The following ITFG1 variants were observed in gnomAD, a reference collection of about 807,000 sequenced individuals.
ITFG1 encodes the protein T-cell immunomodulatory protein.
A neutral mutation model predicts 81.8 loss-of-function variants in ITFG1; 34 were observed. That is an observed-to-expected ratio of 0.42 (90% CI 0.32 to 0.55). The LOEUF is 0.55. ITFG1 is among the 20% of genes least tolerant of loss of function. The pLI, the probability that ITFG1 is intolerant of heterozygous loss-of-function variation, is 0.17. For synonymous variants in ITFG1, 285 were observed against 270.6 expected, an observed-to-expected ratio of 1.05 and a Z score of -0.52; for missense variants, 672 against 755.4, an observed-to-expected ratio of 0.89 and a Z score of 1.29.
intron 1 of ITFG1, among the ~76,000 whole-genome samples, chr16:47,459,814 C>A (rs1243110556): frequency 6.6e-6 from 1 of 152,186 alleles, no homozygotes; most frequent in Non-Finnish European, 1.5e-5. Context: ...GACACAGCAG[C>A]AACAGGTTTG....
At chr16:47,458,824 C>T (rs1049872329) in intron 2 of ITFG1, among the ~76,000 whole-genome samples, 2 of 151,952 alleles carry the variant, frequency 1.3e-5, no homozygotes, top group African/African-American at 4.8e-5. Flanking sequence ...GAACGAGACA[C>T]ATTCAAGAAG....
intron 14 of ITFG1, among the ~76,000 whole-genome samples, chr16:47,173,975 G>A (rs1195980963): frequency 6.6e-6 from 1 of 152,184 alleles, no homozygotes; most frequent in East Asian, 1.9e-4. Flanking sequence ...GGGAGGTGGA[G>A]GTTGTAGTGA....
At chr16:47,307,538 G>T (rs1967189363) in intron 10 of ITFG1, among the ~76,000 whole-genome samples, 1 of 152,154 alleles carries the variant, frequency 6.6e-6, no homozygotes, top group Non-Finnish European at 1.5e-5. Context: ...GTTGGAGTTG[G>T]TTGAGTGAAG....
At chr16:47,158,813 C>T (rs2151505029) in intron 17 of ITFG1, 60 bp downstream of exon 17, 2 of 783,102 alleles carry the variant, frequency 2.6e-6, no homozygotes, top group Non-Finnish European at 4.3e-6. Context: ...TTTTAAAGAG[C>T]AATGTATGTA....
intron 8 of ITFG1, among the ~76,000 whole-genome samples, chr16:47,343,550 G>A (rs999425612): frequency 6.6e-6 from 1 of 151,880 alleles, no homozygotes; most frequent in South Asian, 2.1e-4. Flanking sequence ...TAAAGAACTT[G>A]AATTAACAAT....
rs554729191 is a variant in ITFG1, at chr16:47,181,018, G to A, written c.1454-18354C>T. Among the ~76,000 whole-genome samples the A allele has an allele frequency of 1.3e-3, 198 of 150,116 alleles. 1 individual carries two copies. The highest frequency in any genetic ancestry group is 4.6e-3 in the African/African-American group (188 of 40,676). Reference sequence around the variant, plus strand: ...CTGCCCAGTCTGGAAAGTGAGGAGCGTCTCTGCCCGGCCGCCATACCATCT... The same window carrying A: ...CTGCCCAGTCTGGAAAGTGAGGAGCATCTCTGCCCGGCCGCCATACCATCT... On this transcript the variant is annotated intron_variant, in intron 14 of 17. Coordinates refer to ENST00000320640, the MANE Select transcript of ITFG1 (RefSeq NM_030790.5).
At chr16:47,278,401 T>C (rs1351248831) in intron 10 of ITFG1, among the ~76,000 whole-genome samples, 1 of 152,182 alleles carries the variant, frequency 6.6e-6, no homozygotes, top group Non-Finnish European at 1.5e-5. Flanking sequence ...TTCCAGGCAC[T>C]GGGACTAGGG....
chr16:47,355,198 T>C (rs529325723), intron 8 of ITFG1, among the ~76,000 whole-genome samples: 1 of 152,140 alleles, frequency 6.6e-6, no homozygotes, highest in African/African-American at 2.4e-5. Flanking sequence ...TACAATGATA[T>C]ATTGTTCAGA....
At chr16:47,442,432 C>T (rs987209503) in intron 5 of ITFG1, among the ~76,000 whole-genome samples, 3 of 151,932 alleles carry the variant, frequency 2.0e-5, no homozygotes, top group East Asian at 1.9e-4. Context: ...AAAAAGAGCC[C>T]GCATTGCCAA....
chr16:47,410,221 G>A (rs184302920), intron 6 of ITFG1, among the ~76,000 whole-genome samples: 230 of 152,280 alleles, frequency 1.5e-3, no homozygotes, highest in Non-Finnish European at 2.0e-3. Context: ...TGAGGCTCCT[G>A]TGAGCTGTGA....
At chr16:47,408,153 T>C (rs1428813889) in intron 6 of ITFG1, among the ~76,000 whole-genome samples, 1 of 152,236 alleles carries the variant, frequency 6.6e-6, no homozygotes, top group Non-Finnish European at 1.5e-5. Context: ...TTTAGTATTA[T>C]TTGAGTCTGG....
chr16:47,261,315 T>G (rs1209506931), intron 10 of ITFG1, among the ~76,000 whole-genome samples: 1 of 152,224 alleles, frequency 6.6e-6, no homozygotes, highest in Non-Finnish European at 1.5e-5. Context: ...AGTGAGTTAT[T>G]TAACCTCTAA....
intron 13 of ITFG1, among the ~76,000 whole-genome samples, chr16:47,229,677 T>G (rs1965794690): frequency 6.7e-6 from 1 of 150,230 alleles, no homozygotes; most frequent in Non-Finnish European, 1.5e-5. Flanking sequence ...AATGATAATC[T>G]AGTAGATTTG....
chr16:47,252,712 T>A (rs1182096550), intron 12 of ITFG1, among the ~76,000 whole-genome samples: 2 of 152,214 alleles, frequency 1.3e-5, no homozygotes, highest in African/African-American at 4.8e-5. Context: ...TATAAAAGCT[T>A]AAGTATCCCC....
intron 6 of ITFG1, among the ~76,000 whole-genome samples, chr16:47,376,980 A>AAAAATAAAAAAAAAT (rs1567479310): frequency 2.1e-4 from 32 of 150,186 alleles, no homozygotes; most frequent in African/African-American, 7.5e-4. Context: ...AAAAAAAAAA[A>AAAAATAAAAAAAAAT]AAAAAAAAAA....
chr16:47,268,079 A>G (rs912556818), intron 10 of ITFG1, among the ~76,000 whole-genome samples: 17 of 152,080 alleles, frequency 1.1e-4, no homozygotes, highest in African/African-American at 4.1e-4. Context: ...ATAGAGAAAA[A>G]TCAATGATAA....
At chr16:47,361,224 G>C (rs1294126285) in intron 8 of ITFG1, among the ~76,000 whole-genome samples, 1 of 152,030 alleles carries the variant, frequency 6.6e-6, no homozygotes, top group Non-Finnish European at 1.5e-5. Context: ...GTTAGCATGA[G>C]ATCTGTATAA....
chr16:47,161,576 T>C (rs1018135010), intron 16 of ITFG1, 174 bp downstream of exon 16: 9 of 434,554 alleles, frequency 2.1e-5, no homozygotes, highest in African/African-American at 1.6e-4. Context: ...ATGAAAAATG[T>C]CTGGGACCTT....
At chr16:47,291,297 C>T (rs1197756457) in intron 10 of ITFG1, among the ~76,000 whole-genome samples, 1 of 152,076 alleles carries the variant, frequency 6.6e-6, no homozygotes, top group Non-Finnish European at 1.5e-5. Context: ...AATTGGGATT[C>T]CTTTGTATGT....
Sources: allele counts gnomAD v4.1 joint callset (sites outside exome capture counted in the v4.1 genomes callset), GRCh38; gene constraint gnomAD v4.1.1; transcripts MANE v1.5; gene names NCBI Gene and HGNC (gene_info 2026-07-23, HGNC 2026-07-21).